KIF26B: variants seen among roughly 807,000 people sequenced by gnomAD.
KIF26B encodes kinesin family member 26B, also known as kinesin-like protein KIF26B.
Under a neutral mutation model 151.2 loss-of-function variants are expected in KIF26B, and 63 were observed. The ratio of observed to expected loss-of-function variants is 0.42; its 90% CI spans 0.34 to 0.51. KIF26B has a LOEUF of 0.51. Among genes scored for constraint, KIF26B ranks in the 20% least tolerant of loss-of-function variants. The probability of loss-of-function intolerance (pLI) is 0.07; values close to 1 mark genes in which losing one functional copy is unlikely to be tolerated. For synonymous variants in KIF26B, 1,357 were observed against 1,262.1 expected, an observed-to-expected ratio of 1.08 and a Z score of -1.59; for missense variants, 2,813 against 2,913.6, an observed-to-expected ratio of 0.97 and a Z score of 0.79.
chr1:245,252,558 T>C (rs77838055), intron 2 of KIF26B, among the ~76,000 whole-genome samples: 1,871 of 152,304 alleles, frequency 0.012, 43 homozygotes, highest in African/African-American at 0.041. Context: ...CAAACTGAAC[T>C]CTTTTATTAA....
chr1:245,519,890 C>G (rs1440156320), intron 4 of KIF26B, among the ~76,000 whole-genome samples: 1 of 152,140 alleles, frequency 6.6e-6, no homozygotes, highest in Non-Finnish European at 1.5e-5. Flanking sequence ...CGGTGCATGA[C>G]TGTATTTGGT....
chr1:245,514,830 A>G (rs1660914584), intron 4 of KIF26B, among the ~76,000 whole-genome samples: 1 of 152,146 alleles, frequency 6.6e-6, no homozygotes, highest in African/African-American at 2.4e-5. Flanking sequence ...AGTAAAATGC[A>G]CGCGAAGCTT....
chr1:245,240,723 G>C (rs1249139595), intron 2 of KIF26B, among the ~76,000 whole-genome samples: 4 of 152,316 alleles, frequency 2.6e-5, no homozygotes, highest in Non-Finnish European at 5.9e-5. Flanking sequence ...TATCAGAAAA[G>C]CAACAATACA....
intron 4 of KIF26B, among the ~76,000 whole-genome samples, chr1:245,483,075 AG>A (rs1162671443): frequency 1.3e-5 from 2 of 151,740 alleles, no homozygotes; most frequent in Non-Finnish European, 2.9e-5. Context: ...TTGGGGAAGC[AG>A]GTGCCGGACA....
rs538643634 is a variant in KIF26B, at chr1:245,516,475, G to A, written c.1167-24292G>A. ...TGATATCACATGCGTCTATATGAAC[G>A]CCCCGCTGCAGCTGCCTTTGCTATA... is the stretch of plus-strand genomic sequence containing the variant. On this transcript the variant is annotated intron_variant, in intron 4 of 14. Transcript: ENST00000407071. The surrounding 1 kb of genome is among the most constrained non-coding windows in gnomAD (Gnocchi z 4.2). Among the ~76,000 whole-genome samples, 4 of 152,280 alleles carry A rather than the reference G, an allele frequency of 2.6e-5. No homozygotes were observed. The highest frequency in any genetic ancestry group is 7.2e-5 in the African/African-American group (3 of 41,554).
At chr1:245,256,782 CTT>C (rs958904707) in intron 2 of KIF26B, among the ~76,000 whole-genome samples, 7 of 152,156 alleles carry the variant, frequency 4.6e-5, no homozygotes, top group Non-Finnish European at 7.3e-5. Flanking sequence ...AAAGCGGACT[CTT>C]TGTAGCAATG....
chr1:245,449,657 A>G (rs1032463521), intron 4 of KIF26B, among the ~76,000 whole-genome samples: 2 of 152,158 alleles, frequency 1.3e-5, no homozygotes, highest in African/African-American at 4.8e-5. Context: ...TTTACATTTG[A>G]CAAAACGGGA....
chr1:245,688,816 C>A lies in KIF26B; in HGVS notation c.5824+9C>A, dbSNP rs1161029761. 1 of 1,561,870 alleles carries A rather than the reference C, an allele frequency of 6.4e-7. No individual in the cohort carries two copies. The highest frequency in any genetic ancestry group is 1.2e-5 in the South Asian group (1 of 83,340). On this transcript the variant is annotated intron_variant, in intron 12 of 14. Transcript: ENST00000407071. ...GAAACGCTCCAATCCAGGTAGGCGG[C>A]TGGGCGCAGGGACGCGGGTGAGGAG...
chr1:245,522,336 G>C (rs1033535582), intron 4 of KIF26B, among the ~76,000 whole-genome samples: 2 of 143,044 alleles, frequency 1.4e-5, no homozygotes, highest in Admixed American at 7.2e-5. Flanking sequence ...AGCTGTGTTA[G>C]TTAGCTTAAC....
chr1:245,425,395 A>T (rs1325147454), intron 4 of KIF26B, among the ~76,000 whole-genome samples: 1 of 152,134 alleles, frequency 6.6e-6, no homozygotes, highest in Non-Finnish European at 1.5e-5. Flanking sequence ...ATAACCATTA[A>T]AACTCATGGG....
intron 2 of KIF26B, among the ~76,000 whole-genome samples, chr1:245,230,023 C>T (rs984584356): frequency 6.6e-6 from 1 of 152,026 alleles, no homozygotes; most frequent in African/African-American, 2.4e-5. Flanking sequence ...ATCCCAGCTA[C>T]TCTGGAGGCT....
intron 4 of KIF26B, among the ~76,000 whole-genome samples, chr1:245,530,935 A>C (rs995157100): frequency 2.6e-5 from 4 of 152,228 alleles, no homozygotes; most frequent in African/African-American, 9.6e-5. Context: ...TTCCCGGAAC[A>C]CTGAGATTCG....
chr1:245,612,504 A>T (rs2043538761), intron 9 of KIF26B, among the ~76,000 whole-genome samples: 1 of 152,196 alleles, frequency 6.6e-6, no homozygotes, highest in African/African-American at 2.4e-5. Context: ...TGAACTGTCC[A>T]GGGAAAGGAG....
At chr1:245,529,383 T>C (rs886944404) in intron 4 of KIF26B, among the ~76,000 whole-genome samples, 1 of 152,156 alleles carries the variant, frequency 6.6e-6, no homozygotes, top group African/African-American at 2.4e-5. Flanking sequence ...AATACACTTA[T>C]CAGAAACAGA....
chr1:245,520,548 T>TCATCCATCCATC (rs1661071747), intron 4 of KIF26B, among the ~76,000 whole-genome samples: 1 of 130,544 alleles, frequency 7.7e-6, no homozygotes, highest in Non-Finnish European at 1.7e-5. Flanking sequence ...ATCCACCCAT[T>TCATCCATCCATC]CATCCATCCA....
chr1:245,363,527 C>T (rs1013129970), intron 2 of KIF26B, among the ~76,000 whole-genome samples: 5 of 152,150 alleles, frequency 3.3e-5, no homozygotes, highest in South Asian at 2.1e-4. Flanking sequence ...TTTATGACTA[C>T]CCTCCCTTAA....
rs114832901 is a variant in KIF26B, at chr1:245,369,678, A to G, written c.999+2311A>G. Among the ~76,000 whole-genome samples, 613 of 152,356 alleles carry G rather than the reference A, an allele frequency of 4.0e-3. 3 individuals carry two copies. The highest frequency in any genetic ancestry group is 6.9e-3 in the Non-Finnish European group (469 of 68,028). ...CACAGCCAGTGGCAGAACCAGCACC[A>G]GCTCTCCCCTTGCCCAGGGAATGGC... is the stretch of plus-strand genomic sequence containing the variant. On this transcript the variant is annotated intron_variant, in intron 3 of 14. Coordinates refer to ENST00000407071, the MANE Select transcript of KIF26B (RefSeq NM_018012.4).
chr1:245,270,222 C>CA (rs1558369400), intron 2 of KIF26B, among the ~76,000 whole-genome samples: 4 of 139,930 alleles, frequency 2.9e-5, no homozygotes, highest in African/African-American at 1.1e-4. Flanking sequence ...TCTTCCCTTC[C>CA]TTCTTCCTTT....
chr1:245,216,026 G>A (rs768339277), intron 2 of KIF26B: 4 of 151,744 alleles, frequency 2.6e-5, no homozygotes, highest in Non-Finnish European at 5.9e-5. Flanking sequence ...CCAGGAGTTC[G>A]AGTCCAGCCT....
Sources: allele counts gnomAD v4.1 joint callset (sites outside exome capture counted in the v4.1 genomes callset), GRCh38; gene constraint gnomAD v4.1.1; non-coding constraint Gnocchi (gnomAD v3.1); transcripts MANE v1.5; gene names NCBI Gene and HGNC (gene_info 2026-07-23, HGNC 2026-07-21).